Variants in FOLR2 observed in about 807,000 individuals in gnomAD.
FOLR2 encodes folate receptor 2 (fetal).
In FOLR2, 14 loss-of-function variants were observed where a neutral mutation model predicts 20.4. The ratio of observed to expected loss-of-function variants is 0.68; its 90% CI spans 0.45 to 1.07. The LOEUF (loss-of-function observed/expected upper bound fraction) is 1.07. Ranked by LOEUF, FOLR2 falls within the 50% of genes least tolerant of loss-of-function variation. The probability of loss-of-function intolerance (pLI) is 0.00; values close to 1 mark genes in which losing one functional copy is unlikely to be tolerated. For synonymous variants in FOLR2, 114 were observed against 114.3 expected, an observed-to-expected ratio of 1.00 and a Z score of 0.02; for missense variants, 269 against 322.6, an observed-to-expected ratio of 0.83 and a Z score of 1.27.
chr11:72,218,980 GT>G (rs1948440046), intron 2 of FOLR2, among the ~76,000 whole-genome samples: 1 of 152,216 alleles, frequency 6.6e-6, no homozygotes, highest in Admixed American at 6.5e-5. Context: ...GTTGTCATGT[GT>G]TTTTTGTACA....
Position 72,216,927 on chromosome 11 carries a change from C to A in FOLR2, c.-25+2C>A, listed in dbSNP as rs1363477570. The A allele has an allele frequency of 6.3e-7, 1 of 1,599,482 alleles. No homozygotes were observed. The highest frequency in any genetic ancestry group is 8.5e-7 in the Non-Finnish European group (1 of 1,179,774). The stretch of plus-strand genomic sequence containing the variant: ...CTCCCAGCAGCAACGGAGGTTCAGG[C>A]AAGATGCCCGAAGGAGGGAAGGGTG... On this transcript the variant is annotated splice_donor_variant, in intron 1 of 4. Transcript: ENST00000298223. LOFTEE classifies it low-confidence loss of function (5UTR_SPLICE).
In FOLR2 at chr11:72,217,459, G is replaced by C. The variant is rs1250748264; in HGVS notation, c.-25+534G>C. On this transcript the variant is annotated intron_variant, in intron 1 of 4. Coordinates refer to ENST00000298223, the MANE Select transcript of FOLR2 (RefSeq NM_000803.5). ...TTTTGGAGGGACCTTTACCAGAGAGGGAGAGGAAGCAGTATCCATTATCCA... is the reference window on the plus strand; with the variant it reads ...TTTTGGAGGGACCTTTACCAGAGAGCGAGAGGAAGCAGTATCCATTATCCA... The C allele has an allele frequency of 2.7e-6, 3 of 1,106,844 alleles. No homozygotes were observed. In the South Asian group the frequency reaches 3.9e-5, roughly 14 times the overall value. The allele number at this position is 1,106,844 out of a possible 1,614,324, so 68.6% of individuals were successfully genotyped here.
rs1948399504 is a variant in FOLR2, at chr11:72,216,943, G to A, written c.-25+18G>A. On this transcript the variant is annotated intron_variant, in intron 1 of 4. Transcript: ENST00000298223. ...AGGTTCAGGCAAGATGCCCGAAGGAGGGAAGGGTGACAAGGGCAGTGGGGA... is the reference window on the plus strand; with the variant it reads ...AGGTTCAGGCAAGATGCCCGAAGGAAGGAAGGGTGACAAGGGCAGTGGGGA... The A allele has an allele frequency of 1.3e-5, 21 of 1,599,320 alleles. No homozygotes were observed. Among genetic ancestry groups the A allele is most frequent in the Non-Finnish European group, 1.6e-5 (19 of 1,179,706 alleles).
At chr11:72,220,554 G>A (rs750694655) in intron 2 of FOLR2, among the ~76,000 whole-genome samples, 14 of 152,218 alleles carry the variant, frequency 9.2e-5, no homozygotes, top group Admixed American at 3.3e-4. Context: ...TAAAGTAGGT[G>A]CTCAATAATT....
Position 72,218,650 on chromosome 11 carries a change from G to A in FOLR2, c.66G>A (p.Gln22=), listed in dbSNP as rs1948433137. 1.2e-6 allele frequency: 2 copies of A among 1,613,044 alleles called. No homozygotes were observed. The highest frequency in any genetic ancestry group is 1.7e-6 in the Non-Finnish European group (2 of 1,179,546). ...LVCVATMCSA[Q]DRTDLLNVCM... ...GTGTAGCCACCATGTGCAGTGCCCA[G>A]GACAGGACTGATCTCCTCAATGTCT... Residue 22 remains glutamine (Q), a synonymous_variant, in exon 2 of 5, where the codon CAG becomes CAA. Coordinates refer to ENST00000298223, the MANE Select transcript of FOLR2 (RefSeq NM_000803.5).
intron 2 of FOLR2, among the ~76,000 whole-genome samples, chr11:72,220,490 TTCTG>T (rs1246372057): frequency 6.6e-6 from 1 of 152,246 alleles, no homozygotes; most frequent in African/African-American, 2.4e-5. Flanking sequence ...GAATACATAT[TTCTG>T]TCTGTTTTGT....
At chr11:72,217,027 T>C in intron 1 of FOLR2, 102 bp downstream of exon 1, 2 of 1,289,508 alleles carry the variant, frequency 1.6e-6, no homozygotes, top group East Asian at 2.4e-5. Context: ...TTGTATTGTA[T>C]TGTATTGTAT....
At chr11:72,218,475 C>T (rs905248512) in intron 1 of FOLR2, 86 bp from the exon 2 acceptor site, 13 of 1,239,464 alleles carry the variant, frequency 1.0e-5, no homozygotes, top group African/African-American at 4.5e-5. Context: ...CATTTGCCAC[C>T]GTAGGGTTGG....
At chr11:72,219,936 C>T (rs1348795691) in intron 2 of FOLR2, among the ~76,000 whole-genome samples, 3 of 151,974 alleles carry the variant, frequency 2.0e-5, no homozygotes, top group Admixed American at 2.0e-4. Flanking sequence ...CAACCTCCGC[C>T]TCCGGGGTTC....
rs1318076305 is a variant in FOLR2 at position 72,216,835 on chromosome 11, G to C, written c.-115G>C. Reference sequence around the variant, plus strand: ...CCTGTACCGAAGACAGAGGCTGTGGGGACAGCCTAGGGGCCTGGATCTATT... The same window carrying C: ...CCTGTACCGAAGACAGAGGCTGTGGCGACAGCCTAGGGGCCTGGATCTATT... On this transcript the variant is annotated 5_prime_UTR_variant, in exon 1 of 5. Transcript: ENST00000298223. 1 of 1,522,500 alleles carries C rather than the reference G, an allele frequency of 6.6e-7. No homozygotes were observed. Among genetic ancestry groups the C allele is most frequent in the Admixed American group, 1.7e-5 (1 of 59,650 alleles). 94.3% of individuals were successfully genotyped at this position (1,522,500 alleles called of 1,614,324 possible).
chr11:72,221,924 TAAAC>T lies in FOLR2; in HGVS notation c.*164_*167del, dbSNP rs1366492767. 1.5e-6 allele frequency: 1 copy of T among 647,222 alleles called. No homozygotes were observed. The highest frequency in any genetic ancestry group is 1.8e-5 in the African/African-American group (1 of 54,732). 40.1% of individuals were successfully genotyped at this position (647,222 alleles called of 1,614,324 possible). ...TGGTGGGGCCAAGAGTCACTTCTAA[TAAAC>T]AGACTGTTTTCTAATAATTCCATGT... On this transcript the variant is annotated 3_prime_UTR_variant, in exon 5 of 5. Coordinates refer to ENST00000298223, the MANE Select transcript of FOLR2 (RefSeq NM_000803.5).
chr11:72,216,968 A>G (rs752263735), intron 1 of FOLR2, 43 bp downstream of exon 1: 228 of 1,589,574 alleles, frequency 1.4e-4, no homozygotes, highest in Non-Finnish European at 1.9e-4. Flanking sequence ...GGCAGTGGGG[A>G]GACTTGGAGA....
In FOLR2 at chr11:72,218,635, C is replaced by A; in HGVS notation, c.51C>A (p.Thr17=). The A allele has an allele frequency of 2.5e-6, 4 of 1,613,476 alleles. No homozygotes were observed. Among genetic ancestry groups the A allele is most frequent in the Non-Finnish European group, 3.4e-6 (4 of 1,179,658 alleles). The change falls in exon 2 of 5, where the codon ACC becomes ACA. Residue 17 remains threonine (T), a synonymous_variant. Transcript: ENST00000298223. ...TGCTGCTTCTGGTCTGTGTAGCCAC[C>A]ATGTGCAGTGCCCAGGACAGGACTG... The part of the protein sequence containing the change: ...PLLLLLVCVA[T]MCSAQDRTDL...
intron 1 of FOLR2, among the ~76,000 whole-genome samples, chr11:72,217,159 G>C (rs936648806): frequency 2.6e-5 from 4 of 152,082 alleles, no homozygotes; most frequent in African/African-American, 9.7e-5. Context: ...TGAGTAGCTG[G>C]GATTACAGGT....
intron 2 of FOLR2, among the ~76,000 whole-genome samples, chr11:72,220,631 C>T (rs1035947583): frequency 1.3e-5 from 2 of 152,168 alleles, no homozygotes; most frequent in Non-Finnish European, 2.9e-5. Context: ...AACTATTATT[C>T]CCAAGACAGG....
At chr11:72,220,681 G>T (rs1224159691) in intron 2 of FOLR2, among the ~76,000 whole-genome samples, 189 bp from the exon 3 acceptor site, 1 of 152,230 alleles carries the variant, frequency 6.6e-6, no homozygotes, top group African/African-American at 2.4e-5. Context: ...TCACACGGTT[G>T]TAATTGTGTT....
rs75156107 is a variant in FOLR2 at position 72,217,533 on chromosome 11, G to A, written c.-25+608G>A. On this transcript the variant is annotated intron_variant, in intron 1 of 4. Transcript: ENST00000298223. ...GAACAGCTCTGTAATGGCTGGGGGT[G>A]GGGGCAAGGGCAGCAATGAACAGAG... The A allele has an allele frequency of 3.9e-3, 2,078 of 533,316 alleles. 41 individuals carry two copies. The highest frequency in any genetic ancestry group is 0.036 in the African/African-American group (1,838 of 51,280). 33.0% of individuals were successfully genotyped at this position (533,316 alleles called of 1,614,324 possible). A position where few individuals can be genotyped will look rare whatever the true frequency, so the allele number is the denominator to read the frequency against.
At chr11:72,219,717 A>G (rs1948451875) in intron 2 of FOLR2, among the ~76,000 whole-genome samples, 1 of 152,226 alleles carries the variant, frequency 6.6e-6, no homozygotes, top group Non-Finnish European at 1.5e-5. Flanking sequence ...AGTAGAATAA[A>G]CCACATAGTA....
Position 72,218,623 on chromosome 11 carries a change from C to T in FOLR2, c.39C>T (p.Val13=). The change falls in exon 2 of 5, where the codon GTC becomes GTT. Residue 13 remains valine, a synonymous_variant. Coordinates refer to ENST00000298223, the MANE Select transcript of FOLR2 (RefSeq NM_000803.5). The part of the protein sequence containing the change: ...WKWMPLLLLL[V]CVATMCSAQD... ...GGATGCCACTTCTGCTGCTTCTGGTCTGTGTAGCCACCATGTGCAGTGCCC... is the reference window on the plus strand; with the variant it reads ...GGATGCCACTTCTGCTGCTTCTGGTTTGTGTAGCCACCATGTGCAGTGCCC... The T allele has an allele frequency of 1.2e-6, 2 of 1,613,608 alleles. No individual in the cohort carries two copies. Among genetic ancestry groups the T allele is most frequent in the Non-Finnish European group, 1.7e-6 (2 of 1,179,712 alleles).
Sources: gnomAD v4.1 joint callset for allele counts (sites outside exome capture counted in the v4.1 genomes callset) on GRCh38, gnomAD v4.1.1 for gene constraint, MANE v1.5 for transcripts, NCBI Gene and HGNC (gene_info 2026-07-23, HGNC 2026-07-21) for gene names.